ATP2C1: variants seen among roughly 807,000 people sequenced by gnomAD.
ATP2C1 encodes the protein ATPase secretory pathway Ca2+ transporting 1, also known as calcium-transporting ATPase type 2C member 1.
A neutral mutation model predicts 120.5 loss-of-function variants in ATP2C1; 31 were observed. The observed-to-expected ratio is 0.26, with a 90% CI of 0.19 to 0.35. The LOEUF is 0.35. ATP2C1 is among the 10% of genes least tolerant of loss of function. The pLI is 1.00. For synonymous variants in ATP2C1, 351 were observed against 358.7 expected (o/e 0.98, Z 0.24); for missense variants, 731 against 1,107.5 (o/e 0.66, Z 4.83).
chr3:131,001,956 C>G lies in ATP2C1; in HGVS notation c.*606C>G, dbSNP rs1560039493. The G allele has an allele frequency of 1.0e-6, 1 of 982,692 alleles. No individual in the cohort carries two copies. The highest frequency in any genetic ancestry group is 1.2e-6 in the Non-Finnish European group (1 of 827,310). 60.9% of individuals were successfully genotyped at this position (982,692 alleles called of 1,614,324 possible). A position where few individuals can be genotyped will look rare whatever the true frequency, so the allele number is the denominator to read the frequency against. On this transcript the variant is annotated 3_prime_UTR_variant, in exon 28 of 28. Transcript: ENST00000510168. ...TTTCTTTCTTTTTGTGATTGAAAAG[C>G]CTATACTACAATTTGAAGTAAATTT...
intron 4 of ATP2C1, among the ~76,000 whole-genome samples, chr3:130,934,404 T>G (rs1386944901): frequency 6.7e-6 from 1 of 149,620 alleles, no homozygotes; most frequent in African/African-American, 2.4e-5. Flanking sequence ...GTATTGCTAT[T>G]TAATTTTTTT....
chr3:130,933,435 T>C (rs2059536573), intron 4 of ATP2C1, among the ~76,000 whole-genome samples: 1 of 152,174 alleles, frequency 6.6e-6, no homozygotes, highest in Non-Finnish European at 1.5e-5. Flanking sequence ...TTAATGTACA[T>C]TCTTAGTTAA....
chr3:130,851,470 T>G (rs1409184264), intron 1 of ATP2C1, among the ~76,000 whole-genome samples: 1 of 152,206 alleles, frequency 6.6e-6, no homozygotes, highest in African/African-American at 2.4e-5. Context: ...TATTCAGTCT[T>G]TTTAGCCAAT....
chr3:130,915,787 G>C (rs949606671), intron 2 of ATP2C1, among the ~76,000 whole-genome samples: 5 of 152,164 alleles, frequency 3.3e-5, no homozygotes, highest in African/African-American at 1.2e-4. Flanking sequence ...TGTGCTACAA[G>C]CATTTCAGAC....
At chr3:131,006,651 GT>G, downstream of ATP2C1, among the ~76,000 whole-genome samples, 2 of 150,610 alleles carry the variant, frequency 1.3e-5, no homozygotes, top group Admixed American at 6.6e-5. Flanking sequence ...GTGTGTGTGT[GT>G]GTGTGTGTGT....
intron 26 of ATP2C1, among the ~76,000 whole-genome samples, chr3:131,012,432 AT>A (rs1320565829): frequency 6.6e-6 from 1 of 151,370 alleles, no homozygotes; most frequent in Non-Finnish European, 1.5e-5. Flanking sequence ...TAATTTTTGT[AT>A]TTTTAGTAGA....
In ATP2C1 at chr3:130,969,414, G is replaced by T. The variant is rs773906099; in HGVS notation, c.1413+18G>T. 4 of 1,586,436 alleles carry T rather than the reference G, an allele frequency of 2.5e-6. No individual in the cohort carries two copies. Among genetic ancestry groups the T allele is most frequent in the South Asian group, 1.1e-5 (1 of 90,390 alleles). On this transcript the variant is annotated intron_variant, in intron 17 of 27. Coordinates refer to ENST00000510168, the MANE Select transcript of ATP2C1 (RefSeq NM_001378687.1). Reference sequence around the variant, plus strand: ...CACAGCAGGTATCCATCTGTTTAAAGAATACTTATTTCCTGTTTAGCTTAG... The same window carrying T: ...CACAGCAGGTATCCATCTGTTTAAATAATACTTATTTCCTGTTTAGCTTAG...
chr3:130,961,480 A>G (rs2060816521), intron 12 of ATP2C1, among the ~76,000 whole-genome samples: 1 of 151,996 alleles, frequency 6.6e-6, no homozygotes, highest in African/African-American at 2.4e-5. Flanking sequence ...GTATTTTACA[A>G]TTTCTTCACC....
intron 2 of ATP2C1, among the ~76,000 whole-genome samples, chr3:130,927,186 C>T (rs1449485470): frequency 2.6e-5 from 4 of 151,888 alleles, no homozygotes; most frequent in African/African-American, 9.7e-5. Context: ...CCTACATATA[C>T]TAACTGGTAG....
intron 3 of ATP2C1, among the ~76,000 whole-genome samples, chr3:130,931,074 T>C (rs2059427672): frequency 6.6e-6 from 1 of 152,138 alleles, no homozygotes; most frequent in Non-Finnish European, 1.5e-5. Flanking sequence ...ATTTTTTATT[T>C]TTCCTTCAGC....
At chr3:131,003,392 T>A (rs1276885054), downstream of ATP2C1, among the ~76,000 whole-genome samples, 3 of 152,212 alleles carry the variant, frequency 2.0e-5, no homozygotes, top group African/African-American at 7.2e-5. Flanking sequence ...TATTTCCTAA[T>A]CCTAGGACTT....
intron 1 of ATP2C1, chr3:130,868,322 G>A (rs553696523): frequency 0.027 from 3,643 of 135,026 alleles, 187 homozygotes; most frequent in African/African-American, 0.089. Flanking sequence ...CGCCCCTACT[G>A]GGAAGTGAGG....
intron 16 of ATP2C1, among the ~76,000 whole-genome samples, chr3:130,967,859 T>C (rs2061120111): frequency 6.6e-6 from 1 of 152,200 alleles, no homozygotes; most frequent in East Asian, 1.9e-4. Flanking sequence ...CCTTTGTTAA[T>C]TTCTCAAAAT....
chr3:130,889,103 T>G (rs1172328898), upstream of ATP2C1, among the ~76,000 whole-genome samples: 1 of 152,240 alleles, frequency 6.6e-6, no homozygotes, highest in East Asian at 1.9e-4. Flanking sequence ...GAATCAACCC[T>G]GGACAGGATG....
Position 130,975,360 on chromosome 3 carries a change from G to A in ATP2C1, c.1442G>A (p.Gly481Asp), listed in dbSNP as rs141010361. The change falls in exon 18 of 28, where the codon GGT becomes GAT. Residue 481 changes from glycine to aspartate, a missense_variant. By Grantham distance (94) the Gly-to-Asp change is moderately conservative. Transcript: ENST00000510168. ...QDRPEICFMK[G>D]AYEQVIKYCT... ...AGACCAGAGATTTGTTTTATGAAAG[G>A]TGCTTACGAACAAGTAATTAAGTAC... 4 of 1,613,700 alleles carry A rather than the reference G, an allele frequency of 2.5e-6. No individual in the cohort carries two copies. The African/African-American group carries it at 4.0e-5, about 16-fold the overall frequency.
chr3:130,861,311 A>G (rs1291633328), intron 1 of ATP2C1, among the ~76,000 whole-genome samples: 1 of 152,182 alleles, frequency 6.6e-6, no homozygotes, highest in African/African-American at 2.4e-5. Flanking sequence ...GGTATTTATT[A>G]TGGGAATCGG....
downstream of ATP2C1, among the ~76,000 whole-genome samples, chr3:131,003,632 A>C (rs1278406754): frequency 6.6e-6 from 1 of 152,236 alleles, no homozygotes; most frequent in Non-Finnish European, 1.5e-5. Context: ...GAGATGAAAC[A>C]AAAGTGAAAC....
chr3:130,884,330 T>A (rs548867723), intron 1 of ATP2C1, among the ~76,000 whole-genome samples: 3 of 152,354 alleles, frequency 2.0e-5, no homozygotes, highest in Admixed American at 1.3e-4. Context: ...AATTCCTCGT[T>A]ATTAATTTCT....
rs1178021552 is a variant in ATP2C1, at chr3:130,967,042, A to C, written c.1123-103A>C. 31 of 865,390 alleles carry C rather than the reference A, an allele frequency of 3.6e-5. No homozygotes were observed. The Admixed American group carries it at 3.6e-4, about 10-fold the overall frequency. The allele number at this position is 865,390 out of a possible 1,614,324, so 53.6% of individuals were successfully genotyped here. A position where few individuals can be genotyped will look rare whatever the true frequency, so the allele number is the denominator to read the frequency against. On this transcript the variant is annotated intron_variant, in intron 14 of 27. Coordinates refer to ENST00000510168, the MANE Select transcript of ATP2C1 (RefSeq NM_001378687.1). ...GAACACTTTTAACAGTGTCATTATAAATAAAATGAACAGAACTCATTATAG... is the reference window on the plus strand; with the variant it reads ...GAACACTTTTAACAGTGTCATTATACATAAAATGAACAGAACTCATTATAG...
Sources: gnomAD v4.1 joint callset for allele counts (sites outside exome capture counted in the v4.1 genomes callset) on GRCh38, gnomAD v4.1.1 for gene constraint, MANE v1.5 for transcripts, NCBI Gene and HGNC (gene_info 2026-07-23, HGNC 2026-07-21) for gene names.